The following KCND3 variants were observed in gnomAD, a reference collection of about 807,000 sequenced individuals.
KCND3 encodes A-type voltage-gated potassium channel KCND3.
In KCND3, 9 loss-of-function variants were observed where a neutral mutation model predicts 51.1. The observed-to-expected ratio is 0.18, with a 90% CI of 0.11 to 0.31. KCND3 has a LOEUF of 0.31. Among genes scored for constraint, KCND3 ranks in the 10% least tolerant of loss-of-function variants. The pLI, the probability that KCND3 is intolerant of heterozygous loss-of-function variation, is 1.00. For missense variants in KCND3, 526 were observed against 903.8 expected (o/e 0.58, Z 5.36); for synonymous variants, 349 against 368.0 (o/e 0.95, Z 0.59).
At chr1:111,945,150 G>A (rs115864490) in intron 2 of KCND3, among the ~76,000 whole-genome samples, 3,069 of 152,324 alleles carry the variant, frequency 0.02, 41 homozygotes, top group Non-Finnish European at 0.026. Flanking sequence ...CAGCGAGAAG[G>A]AGTAAAGGCA....
intron 2 of KCND3, among the ~76,000 whole-genome samples, chr1:111,844,541 C>A (rs1667466510): frequency 6.6e-6 from 1 of 152,194 alleles, no homozygotes. Context: ...CTAACAACAG[C>A]TGTCTGCCCA....
At chr1:111,929,453 A>C (rs1281003264) in intron 2 of KCND3, among the ~76,000 whole-genome samples, 1 of 152,220 alleles carries the variant, frequency 6.6e-6, no homozygotes, top group Non-Finnish European at 1.5e-5. Context: ...CATCAGTGGC[A>C]CTATCGAGTG....
intron 2 of KCND3, among the ~76,000 whole-genome samples, chr1:111,919,302 G>A (rs1024710088): frequency 3.3e-5 from 5 of 151,660 alleles, no homozygotes; most frequent in Non-Finnish European, 5.9e-5. Context: ...AGGGTAATGG[G>A]ACCAAAGGGA....
At position 111,982,296 on chromosome 1, in the gene KCND3, G is replaced by C; in HGVS notation, c.431C>G (p.Ala144Gly). 6.2e-7 allele frequency: 1 copy of C among 1,614,132 alleles called. No individual in the cohort carries two copies. The highest frequency in any genetic ancestry group is 8.5e-7 in the Non-Finnish European group (1 of 1,180,042). Residue 144 changes from alanine to glycine, a missense_variant, in exon 2 of 8, where the codon GCC (alanine) becomes GGC (glycine). By Grantham distance (60) the Ala-to-Gly change is moderately conservative (BLOSUM62 0). Transcript: ENST00000302127. This position sits in a 1 kb window ranked among gnomAD's most constrained non-coding sequence, Gnocchi z 8.5. Reference sequence around the variant, plus strand: ...GTCGTTGTCGTCCATGAGCCGCTCGGCGTTCTCCCTCTTGCGGTCCTTGTA... The same window carrying C: ...GTCGTTGTCGTCCATGAGCCGCTCGCCGTTCTCCCTCTTGCGGTCCTTGTA... ...EEYKDRKREN[A>G]ERLMDDNDSE...
rs373086946 is a variant in KCND3 at position 111,954,973 on chromosome 1, ATTG to A, written c.1106+26645_1106+26647del. On this transcript the variant is annotated intron_variant, in intron 2 of 7. Transcript: ENST00000302127. Reference sequence around the variant, plus strand: ...CAACCTAGATGGAGCTGTCTGTCTTATTGTTGTCCTTAGGATCCGGCCAAGATT... The same window carrying A: ...CAACCTAGATGGAGCTGTCTGTCTTATTGTCCTTAGGATCCGGCCAAGATT... Among the ~76,000 whole-genome samples the A allele has an allele frequency of 5.9e-3, 902 of 152,262 alleles. 13 individuals carry two copies. The highest frequency in any genetic ancestry group is 0.021 in the African/African-American group (853 of 41,536).
chr1:111,986,760 T>C (rs770414884), intron 1 of KCND3, among the ~76,000 whole-genome samples: 7 of 152,158 alleles, frequency 4.6e-5, no homozygotes, highest in Non-Finnish European at 1.0e-4. Context: ...CATCTGGGCT[T>C]ACTGCTGTGA....
At chr1:111,908,602 C>T (rs559607396) in intron 2 of KCND3, among the ~76,000 whole-genome samples, 2 of 152,272 alleles carry the variant, frequency 1.3e-5, no homozygotes, top group Admixed American at 1.3e-4. Context: ...CTCAGAGATG[C>T]TCTTTCCCAC....
intron 2 of KCND3, among the ~76,000 whole-genome samples, chr1:111,831,958 C>A (rs1666850304): frequency 1.3e-5 from 2 of 152,316 alleles, no homozygotes; most frequent in South Asian, 4.1e-4. Flanking sequence ...ATCTCCAGAA[C>A]AATGGGCACA....
intron 2 of KCND3, among the ~76,000 whole-genome samples, chr1:111,874,220 G>A (rs1480506453): frequency 6.6e-6 from 1 of 152,174 alleles, no homozygotes; most frequent in Non-Finnish European, 1.5e-5. Context: ...AAACAACACT[G>A]AGCTTTGTGA....
intron 2 of KCND3, among the ~76,000 whole-genome samples, chr1:111,942,670 G>A (rs1031356395): frequency 1.2e-4 from 19 of 152,282 alleles, no homozygotes; most frequent in Non-Finnish European, 2.1e-4. Context: ...TGGGATTGCC[G>A]CCCCAAGTCT....
intron 2 of KCND3, among the ~76,000 whole-genome samples, chr1:111,811,580 G>C (rs1665851422): frequency 6.6e-6 from 1 of 152,162 alleles, no homozygotes; most frequent in Non-Finnish European, 1.5e-5. Context: ...GGGTATTTCT[G>C]AGTCCCTGGG....
intron 2 of KCND3, among the ~76,000 whole-genome samples, chr1:111,963,052 G>C (rs894013961): frequency 6.6e-6 from 1 of 152,136 alleles, no homozygotes; most frequent in South Asian, 2.1e-4. Flanking sequence ...TCTTGAGCAG[G>C]CCACCAGATA....
At chr1:111,851,540 ACTC>A (rs1476937205) in intron 2 of KCND3, among the ~76,000 whole-genome samples, 1 of 151,774 alleles carries the variant, frequency 6.6e-6, no homozygotes, top group Non-Finnish European at 1.5e-5. Flanking sequence ...TCTCATCACA[ACTC>A]CTCCTGGCAA....
chr1:111,855,323 T>C (rs1668014640), intron 2 of KCND3, among the ~76,000 whole-genome samples: 1 of 152,194 alleles, frequency 6.6e-6, no homozygotes, highest in African/African-American at 2.4e-5. Flanking sequence ...GAGTATGAGT[T>C]CCCAGTGTCC....
At chr1:111,831,021 A>C (rs773787484) in intron 2 of KCND3, among the ~76,000 whole-genome samples, 1 of 152,196 alleles carries the variant, frequency 6.6e-6, no homozygotes, top group Non-Finnish European at 1.5e-5. Context: ...TTGTGACTAA[A>C]CAGGACTTCA....
intron 2 of KCND3, chr1:111,911,071 G>A (rs1298143615): frequency 6.6e-6 from 1 of 152,178 alleles, no homozygotes; most frequent in African/African-American, 2.4e-5. Context: ...GCAGGGAGGT[G>A]GTCTATGCCA....
At chr1:111,926,018 C>G (rs12402339) in intron 2 of KCND3, among the ~76,000 whole-genome samples, 14,593 of 152,150 alleles carry the variant, frequency 0.096, 979 homozygotes, top group South Asian at 0.24. Context: ...CCATTTATTC[C>G]TAATTATTGT....
chr1:111,875,340 C>T (rs898187998), intron 2 of KCND3, among the ~76,000 whole-genome samples: 7 of 152,172 alleles, frequency 4.6e-5, no homozygotes, highest in Admixed American at 1.3e-4. Context: ...TGGGACTTAC[C>T]GACTAGGAGA....
chr1:111,938,220 A>C (rs1319341894), intron 2 of KCND3, among the ~76,000 whole-genome samples: 1 of 152,128 alleles, frequency 6.6e-6, no homozygotes, highest in Non-Finnish European at 1.5e-5. Flanking sequence ...AGGGGAAGTG[A>C]CCTGCCTCTG....
Sources: allele counts gnomAD v4.1 joint callset (sites outside exome capture counted in the v4.1 genomes callset), GRCh38; gene constraint gnomAD v4.1.1; non-coding constraint Gnocchi (gnomAD v3.1); transcripts MANE v1.5; gene names NCBI Gene and HGNC (gene_info 2026-07-23, HGNC 2026-07-21).